MYO3A: variants seen among roughly 807,000 people sequenced by gnomAD.
The protein encoded by MYO3A is myosin IIIA, also known as myosin-IIIa.
MYO3A carries 180 observed loss-of-function variants against 192.7 expected under a neutral mutation model. That is an observed-to-expected ratio of 0.93 (90% CI 0.83 to 1.06). The LOEUF (loss-of-function observed/expected upper bound fraction) is 1.06, where lower values mean the gene tolerates loss of function less well. Among genes scored for constraint, MYO3A ranks in the 50% least tolerant of loss-of-function variants. The pLI is 0.00. For synonymous variants in MYO3A, 628 were observed against 645.3 expected, an observed-to-expected ratio of 0.97 and a Z score of 0.41; for missense variants, 1,896 against 1,905.0, an observed-to-expected ratio of 1.00 and a Z score of 0.09.
At chr10:26,100,532 G>A (rs900091225) in intron 17 of MYO3A, among the ~76,000 whole-genome samples, 3 of 152,064 alleles carry the variant, frequency 2.0e-5, no homozygotes, top group African/African-American at 7.2e-5. Context: ...GCTTTCTTTT[G>A]TGGGCATTTA....
At chr10:26,004,956 T>C (rs897747220) in intron 6 of MYO3A, among the ~76,000 whole-genome samples, 2 of 152,222 alleles carry the variant, frequency 1.3e-5, no homozygotes, top group Non-Finnish European at 2.9e-5. Context: ...TAACCATCTA[T>C]GTAATAATTA....
intron 4 of MYO3A, among the ~76,000 whole-genome samples, chr10:25,969,157 C>T (rs890246558): frequency 1.3e-5 from 2 of 152,084 alleles, no homozygotes; most frequent in South Asian, 2.1e-4. Flanking sequence ...GGCTTGAACC[C>T]GGGAGGCGGA....
intron 32 of MYO3A, among the ~76,000 whole-genome samples, chr10:26,193,919 C>T (rs1358380809): frequency 6.6e-6 from 1 of 152,162 alleles, no homozygotes; most frequent in Non-Finnish European, 1.5e-5. Context: ...GACTCATTGG[C>T]GTTGCCCCTG....
In MYO3A at chr10:26,176,704, T is replaced by C. The variant is rs1361004807; in HGVS notation, c.4297T>C (p.Ser1433Pro). ...CGLAIFSKQI[S>P]KLSEEYFILQ... ...TGACACATGACCTTCTTTTTAGATATCAAAGTTATCTGAAGAATATTTCAT... is the reference window on the plus strand; with the variant it reads ...TGACACATGACCTTCTTTTTAGATACCAAAGTTATCTGAAGAATATTTCAT... The change falls in exon 31 of 35, where the codon TCA becomes CCA. Residue 1433 changes from serine to proline, a missense_variant. By Grantham distance (74) the Ser-to-Pro change is moderately conservative (BLOSUM62 -1). Coordinates refer to ENST00000642920, the MANE Select transcript of MYO3A (RefSeq NM_017433.5). The C allele has an allele frequency of 6.2e-7, 1 of 1,607,966 alleles. No individual in the cohort carries two copies. The highest frequency in any genetic ancestry group is 8.5e-7 in the Non-Finnish European group (1 of 1,174,570).
chr10:26,019,535 C>G (rs1356698271), intron 7 of MYO3A, among the ~76,000 whole-genome samples: 1 of 152,174 alleles, frequency 6.6e-6, no homozygotes. Flanking sequence ...CCAGGATGGT[C>G]TCGATCTACT....
chr10:26,084,534 A>C (rs2131485020), intron 14 of MYO3A, among the ~76,000 whole-genome samples: 1 of 152,078 alleles, frequency 6.6e-6, no homozygotes, highest in South Asian at 2.1e-4. Context: ...ACAGAGTCTC[A>C]CTCTGTCACC....
chr10:26,068,724 A>G, intron 11 of MYO3A, 44 bp from the exon 12 acceptor site: 2 of 1,302,066 alleles, frequency 1.5e-6, no homozygotes, highest in Non-Finnish European at 2.2e-6. Context: ...GTAGTTGACC[A>G]CAAATAATTT....
intron 17 of MYO3A, among the ~76,000 whole-genome samples, chr10:26,098,955 A>G (rs1837246709): frequency 6.6e-6 from 1 of 152,216 alleles, no homozygotes; most frequent in Non-Finnish European, 1.5e-5. Flanking sequence ...GAAGAAAGTC[A>G]TTGGTAGCTT....
At chr10:26,208,930 A>C (rs1844098399) in intron 34 of MYO3A, among the ~76,000 whole-genome samples, 1 of 152,138 alleles carries the variant, frequency 6.6e-6, no homozygotes, top group Non-Finnish European at 1.5e-5. Context: ...AAATCAAAAC[A>C]ATTTAATCCC....
At chr10:26,210,034 TTGAGGCTGCAG>T (rs1844151590) in intron 34 of MYO3A, among the ~76,000 whole-genome samples, 1 of 150,000 alleles carries the variant, frequency 6.7e-6, no homozygotes, top group South Asian at 2.1e-4. Flanking sequence ...GCTTTGGAGG[TTGAGGCTGCAG>T]TGAGGCTGTT....
chr10:26,168,025 C>G (rs1033443706), intron 27 of MYO3A, among the ~76,000 whole-genome samples: 6 of 152,196 alleles, frequency 3.9e-5, no homozygotes, highest in African/African-American at 7.2e-5. Context: ...ACACGCCAAG[C>G]CTTCTGGCTC....
At chr10:26,066,258 TAATC>T (rs1834838339) in intron 10 of MYO3A, among the ~76,000 whole-genome samples, 1 of 152,088 alleles carries the variant, frequency 6.6e-6, no homozygotes, top group South Asian at 2.1e-4. Flanking sequence ...ATAACCCTCA[TAATC>T]TATATATTCC....
chr10:25,934,873 G>C (rs942575392), intron 1 of MYO3A, among the ~76,000 whole-genome samples: 3 of 152,094 alleles, frequency 2.0e-5, no homozygotes, highest in African/African-American at 7.2e-5. Context: ...GGCGTAAGGG[G>C]TGAAGGAAGA....
In MYO3A at chr10:26,125,573, C is replaced by T. The variant is rs202105446; in HGVS notation, c.2079C>T (p.Cys693=). ...YGRLFSWIVN[C]INSLLKHDSS... ...GTCTCTTTAGTTGGATAGTCAATTG[C>T]ATTAACAGTTTGTTGAAGCATGACT... Residue 693 remains cysteine (C), a synonymous_variant, in exon 19 of 35, where the codon TGC becomes TGT. Transcript: ENST00000642920. 5.3e-5 allele frequency: 86 copies of T among 1,613,874 alleles called. No homozygotes were observed. The highest frequency in any genetic ancestry group is 1.7e-5 in the Admixed American group (1 of 59,998).
At chr10:26,116,094 C>CA (rs937244663) in intron 17 of MYO3A, among the ~76,000 whole-genome samples, 52 of 150,490 alleles carry the variant, frequency 3.5e-4, no homozygotes, top group South Asian at 2.1e-3. Context: ...ATAAATTTAA[C>CA]AAAAAAAAAG....
At chr10:26,173,560 C>G in intron 29 of MYO3A, 103 bp from the exon 30 acceptor site, 2 of 1,064,378 alleles carry the variant, frequency 1.9e-6, no homozygotes, top group South Asian at 3.0e-5. Context: ...TTCTTTGTTC[C>G]TTTTGCCTTT....
rs1223835529 is a variant in MYO3A, at chr10:26,173,826, A to T, written c.3562A>T (p.Thr1188Ser). 2.5e-6 allele frequency: 4 copies of T among 1,613,930 alleles called. No individual in the cohort carries two copies. The highest frequency in any genetic ancestry group is 3.4e-6 in the Non-Finnish European group (4 of 1,180,032). ...GGAGAGTAACAACAGAGTGTATCAGACTCCAAAAAAAATGAATAATGTGTA... is the reference window on the plus strand; with the variant it reads ...GGAGAGTAACAACAGAGTGTATCAGTCTCCAAAAAAAATGAATAATGTGTA... ...AVESNNRVYQ[T>S]PKKMNNVYEE... The change falls in exon 30 of 35, where the codon ACT becomes TCT. Residue 1188 changes from threonine to serine, a missense_variant. Coordinates refer to ENST00000642920, the MANE Select transcript of MYO3A (RefSeq NM_017433.5).
chr10:26,011,751 A>T (rs1168114222), intron 6 of MYO3A, among the ~76,000 whole-genome samples: 1 of 152,196 alleles, frequency 6.6e-6, no homozygotes, highest in East Asian at 1.9e-4. Flanking sequence ...ATTCCTCCCT[A>T]AATCATTCTA....
At chr10:26,140,820 CAG>C (rs752397167) in intron 20 of MYO3A, among the ~76,000 whole-genome samples, 19 of 152,164 alleles carry the variant, frequency 1.2e-4, no homozygotes, top group Admixed American at 4.6e-4. Flanking sequence ...AAAGGGAACT[CAG>C]ACAGTCTGAA....
Sources: allele counts gnomAD v4.1 joint callset (sites outside exome capture counted in the v4.1 genomes callset), GRCh38; gene constraint gnomAD v4.1.1; transcripts MANE v1.5; gene names NCBI Gene and HGNC (gene_info 2026-07-23, HGNC 2026-07-21).